Variants in UGT1A9 observed in about 807,000 individuals in gnomAD.
UGT1A9 encodes UDP glucuronosyltransferase family 1 member A9, also known as UDP-glucuronosyltransferase 1A9.
Under a neutral mutation model 45.0 loss-of-function variants are expected in UGT1A9, and 35 were observed. That is an observed-to-expected ratio of 0.78 (90% CI 0.59 to 1.03). The LOEUF (loss-of-function observed/expected upper bound fraction) is 1.03, where lower values mean the gene tolerates loss of function less well. Among genes scored for constraint, UGT1A9 ranks in the 50% least tolerant of loss-of-function variants. UGT1A9 has a pLI of 0.00. For synonymous variants in UGT1A9, 278 were observed against 250.6 expected, an observed-to-expected ratio of 1.11 and a Z score of -1.03; for missense variants, 687 against 666.6, an observed-to-expected ratio of 1.03 and a Z score of -0.34.
intron 1 of UGT1A9, among the ~76,000 whole-genome samples, chr2:233,705,038 A>C (rs1020748374): frequency 6.6e-6 from 1 of 151,956 alleles, no homozygotes; most frequent in Non-Finnish European, 1.5e-5. Context: ...CGGGAGGCTG[A>C]GGCAGGAGAA....
At chr2:233,680,120 G>A (rs2074476021) in intron 1 of UGT1A9, among the ~76,000 whole-genome samples, 1 of 151,566 alleles carries the variant, frequency 6.6e-6, no homozygotes, top group Non-Finnish European at 1.5e-5. Flanking sequence ...CTCAATCTAC[G>A]GTACCTATCA....
chr2:233,705,969 G>T (rs1266037443), intron 1 of UGT1A9, among the ~76,000 whole-genome samples: 1 of 152,078 alleles, frequency 6.6e-6, no homozygotes, highest in Admixed American at 6.5e-5. Context: ...CATGCCTGTG[G>T]TTCCGGCTAC....
chr2:233,717,558 G>A (rs1360566247), intron 1 of UGT1A9, among the ~76,000 whole-genome samples: 1 of 152,238 alleles, frequency 6.6e-6, no homozygotes, highest in Non-Finnish European at 1.5e-5. Context: ...AGCAATGGCA[G>A]ACATGGCCAG....
intron 1 of UGT1A9, among the ~76,000 whole-genome samples, chr2:233,700,193 T>C (rs2075549348): frequency 1.3e-5 from 2 of 152,154 alleles, no homozygotes; most frequent in African/African-American, 4.8e-5. Context: ...ATCTCAGCCT[T>C]TGTTGGCTGA....
At chr2:233,758,273 A>AG (rs1696835032) in intron 1 of UGT1A9, among the ~76,000 whole-genome samples, 1 of 152,232 alleles carries the variant, frequency 6.6e-6, no homozygotes, top group Non-Finnish European at 1.5e-5. Flanking sequence ...TTCTTGGTCA[A>AG]GGGCAGAGCT....
chr2:233,767,054 T>C lies in UGT1A9; in HGVS notation c.876T>C (p.Asn292=), dbSNP rs1164851963. ...PLPMEFEAYI[N]ASGEHGIVVF... ...TCTAGGAATTTGAAGCCTACATTAA[T>C]GCTTCTGGAGAACATGGAATTGTGG... is the stretch of plus-strand genomic sequence containing the variant. The change falls in exon 2 of 5, where the codon AAT becomes AAC. Residue 292 remains asparagine, a synonymous_variant. Coordinates refer to ENST00000354728, the MANE Select transcript of UGT1A9 (RefSeq NM_021027.3). The C allele has an allele frequency of 2.5e-6, 4 of 1,614,114 alleles. No homozygotes were observed. Among genetic ancestry groups the C allele is most frequent in the Non-Finnish European group, 2.5e-6 (3 of 1,179,982 alleles).
At chr2:233,713,590 C>T in intron 1 of UGT1A9, 1 of 1,613,980 alleles carries the variant, frequency 6.2e-7, no homozygotes, top group Non-Finnish European at 8.5e-7. Flanking sequence ...TTACTAACGA[C>T]CAATTCAGAC....
chr2:233,709,237 G>T (rs1333156053), intron 1 of UGT1A9, among the ~76,000 whole-genome samples: 1 of 152,106 alleles, frequency 6.6e-6, no homozygotes, highest in Non-Finnish European at 1.5e-5. Context: ...AGGGGTGGCC[G>T]CTGGGATGAG....
intron 1 of UGT1A9, chr2:233,682,720 T>C (rs751992006): frequency 6.2e-7 from 1 of 1,613,908 alleles, no homozygotes; most frequent in Non-Finnish European, 8.5e-7. Context: ...TTTTGGAGTA[T>C]CCCAAACCCG....
At chr2:233,677,887 C>G (rs562690074) in intron 1 of UGT1A9, among the ~76,000 whole-genome samples, 6 of 152,048 alleles carry the variant, frequency 3.9e-5, no homozygotes, top group Admixed American at 6.5e-5. Flanking sequence ...CATTGCAGCT[C>G]TATTCAGAAT....
rs1320189051 is a variant in UGT1A9, at chr2:233,757,543, T to TAC, written c.856-9490_856-9489insCA. Reference sequence around the variant, plus strand: ...AAATCTTGCCTGTAAGGAATATATATATATATATATATATATATGTATATA... The same window carrying TAC: ...AAATCTTGCCTGTAAGGAATATATATACATATATATATATATATATGTATATA... On this transcript the variant is annotated intron_variant, in intron 1 of 4. Coordinates refer to ENST00000354728, the MANE Select transcript of UGT1A9 (RefSeq NM_021027.3). Among the ~76,000 whole-genome samples the TAC allele has an allele frequency of 2.8e-3, 329 of 117,124 alleles. 12 individuals carry two copies. The highest frequency in any genetic ancestry group is 3.5e-3 in the African/African-American group (97 of 28,034). 76.8% of individuals were successfully genotyped at this position (117,124 alleles called of 152,430 possible). A position where few individuals can be genotyped will look rare whatever the true frequency, so the allele number is the denominator to read the frequency against.
intron 1 of UGT1A9, chr2:233,719,070 T>A (rs144655870): frequency 6.2e-7 from 1 of 1,614,284 alleles, no homozygotes; most frequent in East Asian, 2.2e-5. Context: ...TGCTGTTCCA[T>A]GGACCCAGAA....
At chr2:233,768,557 A>C in intron 4 of UGT1A9, 118 bp downstream of exon 4, 1 of 1,466,482 alleles carries the variant, frequency 6.8e-7, no homozygotes, top group Non-Finnish European at 9.0e-7. Flanking sequence ...AAACAAATAC[A>C]TAAAAATCTG....
At chr2:233,757,567 T>TATATATATATATATATATATATA (rs1553619947) in intron 1 of UGT1A9, among the ~76,000 whole-genome samples, 8 of 142,914 alleles carry the variant, frequency 5.6e-5, no homozygotes, top group Non-Finnish European at 1.1e-4. Context: ...TATATGTATA[T>TATATATATATATATATATATATA]ATGATATAGC....
At chr2:233,772,103 ACT>A (rs758185020) in intron 4 of UGT1A9, among the ~76,000 whole-genome samples, 157 bp from the exon 5 acceptor site, 84 of 152,280 alleles carry the variant, frequency 5.5e-4, no homozygotes, top group Admixed American at 1.4e-3. Flanking sequence ...ACAGGGCAAG[ACT>A]CTGTATCTAA....
chr2:233,707,137 G>A (rs574638671), intron 1 of UGT1A9, among the ~76,000 whole-genome samples: 22 of 152,242 alleles, frequency 1.4e-4, no homozygotes, highest in East Asian at 9.7e-4. Flanking sequence ...TTTCTATCCC[G>A]GAGGTCACTG....
At chr2:233,718,073 G>T in intron 1 of UGT1A9, 1 of 345,132 alleles carries the variant, frequency 2.9e-6, no homozygotes, top group South Asian at 2.3e-5. Flanking sequence ...GTCCTTGCTA[G>T]GGTTGTCTTG....
chr2:233,772,858 A>G lies in UGT1A9; in HGVS notation c.*299A>G, dbSNP rs966644080. The G allele has an allele frequency of 2.8e-5, 20 of 719,678 alleles. No homozygotes were observed. The Admixed American group carries it at 5.6e-4, about 20-fold the overall frequency. 44.6% of individuals were successfully genotyped at this position (719,678 alleles called of 1,614,324 possible). ...TAGATTACTTTTCTTACTCTGAAAC[A>G]TGGCCTGTTTGGGAGTGCGGGATTC... On this transcript the variant is annotated 3_prime_UTR_variant, in exon 5 of 5. Coordinates refer to ENST00000354728, the MANE Select transcript of UGT1A9 (RefSeq NM_021027.3).
chr2:233,735,108 G>T (rs1171222877), intron 1 of UGT1A9, among the ~76,000 whole-genome samples: 1 of 152,182 alleles, frequency 6.6e-6, no homozygotes, highest in Non-Finnish European at 1.5e-5. Flanking sequence ...AATATCGACA[G>T]TGGGATGTTA....
Sources: allele counts gnomAD v4.1 joint callset (sites outside exome capture counted in the v4.1 genomes callset), GRCh38; gene constraint gnomAD v4.1.1; transcripts MANE v1.5; gene names NCBI Gene and HGNC (gene_info 2026-07-23, HGNC 2026-07-21).